The following PROM2 variants were observed in gnomAD, a reference collection of about 807,000 sequenced individuals.
The protein encoded by PROM2 is prominin-2.
In PROM2, 90 loss-of-function variants were observed where a neutral mutation model predicts 110.2. The ratio of observed to expected loss-of-function variants is 0.82; its 90% CI spans 0.69 to 0.97. The LOEUF (loss-of-function observed/expected upper bound fraction) is 0.97, where lower values mean the gene tolerates loss of function less well. Among genes scored for constraint, PROM2 ranks in the 50% least tolerant of loss-of-function variants. The pLI is 0.00. For missense variants in PROM2, 1,009 were observed against 1,074.8 expected (o/e 0.94, Z 0.86); for synonymous variants, 470 against 467.8 (o/e 1.00, Z -0.06).
At position 95,275,928 on chromosome 2, in the gene PROM2, A is replaced by T. The variant is rs200706167; in HGVS notation, c.295-2A>T. 5.0e-5 allele frequency: 80 copies of T among 1,608,312 alleles called. 1 individual carries two copies. The African/African-American group carries it at 8.4e-4, about 17-fold the overall frequency. On this transcript the variant is annotated splice_acceptor_variant, in intron 2 of 23. Coordinates refer to ENST00000317620, the MANE Select transcript of PROM2 (RefSeq NM_001165978.3). LOFTEE classifies it high-confidence loss of function. The surrounding 1 kb of genome is among the most constrained non-coding windows in gnomAD (Gnocchi z 4.4). The stretch of plus-strand genomic sequence containing the variant: ...ACCCCTCATGCCCTGCTGCCTGCCC[A>T]GGTGGTGCGGTACGAGGCGGGCTAC...
rs1417700349 is a variant in PROM2 at position 95,278,975 on chromosome 2, C to A, written c.1115-10C>A. On this transcript the variant is annotated splice_polypyrimidine_tract_variant and intron_variant, in intron 9 of 23. Coordinates refer to ENST00000317620, the MANE Select transcript of PROM2 (RefSeq NM_001165978.3). ...CTCCGCATCCCACAAGTCCCTGTTA[C>A]TTTGGGCAGAGCTGAAGAAGGCAGT... The A allele has an allele frequency of 6.3e-7, 1 of 1,599,580 alleles. No homozygotes were observed. Among genetic ancestry groups the A allele is most frequent in the East Asian group, 2.2e-5 (1 of 44,668 alleles).
Position 95,275,196 on chromosome 2 carries a change from T to C in PROM2, c.245-265T>C, listed in dbSNP as rs1207818333. ...GGGAAGAACTGCCAGGCCAGACCCC[T>C]TCTCTGCCTTTGCCCAGGCTCAGGA... On this transcript the variant is annotated intron_variant, in intron 1 of 23. Coordinates refer to ENST00000317620, the MANE Select transcript of PROM2 (RefSeq NM_001165978.3). This position sits in a 1 kb window ranked among gnomAD's most constrained non-coding sequence, Gnocchi z 4.4. 2.0e-5 allele frequency among the ~76,000 whole-genome samples: 3 copies of C among 152,214 alleles called. No homozygotes were observed. The highest frequency in any genetic ancestry group is 7.2e-5 in the African/African-American group (3 of 41,464).
Position 95,288,993 on chromosome 2 carries a change from G to A in PROM2, c.2502G>A (p.Leu834=). The change falls in exon 23 of 24, where the codon CTG becomes CTA. Residue 834 remains leucine (L), a synonymous_variant. Coordinates refer to ENST00000317620, the MANE Select transcript of PROM2 (RefSeq NM_001165978.3). Reference sequence around the variant, plus strand: ...TCCCCCGGGTTACCTCCCTGAAGCTGTAGGGCCTTGTGGGTGAGTTTTCCC... The same window carrying A: ...TCCCCCGGGTTACCTCCCTGAAGCTATAGGGCCTTGTGGGTGAGTTTTCCC... ...FHIPRVTSLK[L] 6.2e-7 allele frequency: 1 copy of A among 1,608,166 alleles called. No individual in the cohort carries two copies. The highest frequency in any genetic ancestry group is 8.5e-7 in the Non-Finnish European group (1 of 1,176,374).
intron 14 of PROM2, among the ~76,000 whole-genome samples, chr2:95,283,688 T>TA (rs1203143578): frequency 1.3e-5 from 2 of 152,232 alleles, no homozygotes; most frequent in East Asian, 3.8e-4. Flanking sequence ...TCTTATCTGT[T>TA]AAACACTGGG....
Position 95,276,441 on chromosome 2 carries a change from C to A in PROM2, c.618+94C>A. On this transcript the variant is annotated intron_variant, in intron 4 of 23. Transcript: ENST00000317620. The surrounding 1 kb of genome is among the most constrained non-coding windows in gnomAD (Gnocchi z 4.6). Reference sequence around the variant, plus strand: ...TGGGCCCTCGATGGCCCATAACCAGCGCATCTGAAAGCCGCCTCCTCTCCC... The same window carrying A: ...TGGGCCCTCGATGGCCCATAACCAGAGCATCTGAAAGCCGCCTCCTCTCCC... 1 of 1,591,738 alleles carries A rather than the reference C, an allele frequency of 6.3e-7. No individual in the cohort carries two copies.
At chr2:95,286,397 C>G (rs1677354969) in intron 16 of PROM2, 82 bp from the exon 17 acceptor site, 1 of 1,248,046 alleles carries the variant, frequency 8.0e-7, no homozygotes, top group African/African-American at 1.5e-5. Context: ...CTCCCACTTT[C>G]TCTTGGTATG....
Position 95,277,377 on chromosome 2 carries a change from C to G in PROM2, c.786C>G (p.Ser262=), listed in dbSNP as rs368594010. The part of the protein sequence containing the change: ...VGSLGQVLQV[S]VHHLQTLNAT... ...TGGGTCTCTCAGTCCTGCAGGTCTC[C>G]GTGCACCACCTGCAAACCTTGAATG... The change falls in exon 7 of 24, where the codon TCC becomes TCG. Residue 262 remains serine, a synonymous_variant. Transcript: ENST00000317620. 6.2e-7 allele frequency: 1 copy of G among 1,611,662 alleles called. No homozygotes were observed. The highest frequency in any genetic ancestry group is 1.3e-5 in the African/African-American group (1 of 74,890).
In PROM2 at chr2:95,280,456, A is replaced by G. The variant is rs764154504; in HGVS notation, c.1427+459A>G. Among the ~76,000 whole-genome samples, 76 of 152,348 alleles carry G rather than the reference A, an allele frequency of 5.0e-4. 1 individual carries two copies. The highest frequency in any genetic ancestry group is 3.3e-4 in the Admixed American group (5 of 15,302). ...CCTGACATGGGGCTGTGCCTGCCTC[A>G]TAAGCCCTTCGAGCCCCCTGGTCTA... On this transcript the variant is annotated intron_variant, in intron 11 of 23. Coordinates refer to ENST00000317620, the MANE Select transcript of PROM2 (RefSeq NM_001165978.3).
chr2:95,280,065 G>T lies in PROM2; in HGVS notation c.1427+68G>T. ...GCTGGCTGATTACTCTCGCTCCTGA[G>T]CATAGCTCCCGGTGTGGCTGCCAGT... On this transcript the variant is annotated intron_variant, in intron 11 of 23. Transcript: ENST00000317620. The T allele has an allele frequency of 2.2e-6, 3 of 1,333,816 alleles. No individual in the cohort carries two copies. In the South Asian group the frequency reaches 6.2e-5, roughly 27 times the overall value. The allele number at this position is 1,333,816 out of a possible 1,614,324, so 82.6% of individuals were successfully genotyped here. A position where few individuals can be genotyped will look rare whatever the true frequency, so the allele number is the denominator to read the frequency against.
At chr2:95,278,145 A>G in intron 8 of PROM2, 141 bp downstream of exon 8, 1 of 676,376 alleles carries the variant, frequency 1.5e-6, no homozygotes, top group South Asian at 1.7e-5. Flanking sequence ...GGGACTCCCG[A>G]CGACCATCCT....
In PROM2 at chr2:95,282,011, C is replaced by T; in HGVS notation, c.1638C>T (p.Ala546=). The T allele has an allele frequency of 6.2e-7, 1 of 1,614,074 alleles. No individual in the cohort carries two copies. Among genetic ancestry groups the T allele is most frequent in the Non-Finnish European group, 8.5e-7 (1 of 1,179,912 alleles). The change falls in exon 13 of 24, where the codon GCC becomes GCT. Residue 546 remains alanine (A), a synonymous_variant. Transcript: ENST00000317620. The stretch of plus-strand genomic sequence containing the variant: ...GGAAGAACATCAGCATCCACCAAGC[C>T]TATCAGTGAGTGGACAGCCTGGGCA... ...GLRKNISIHQ[A]YQQCKEGAAL...
chr2:95,281,465 A>G, intron 12 of PROM2, 100 bp downstream of exon 12: 2 of 1,120,784 alleles, frequency 1.8e-6, no homozygotes, highest in Non-Finnish European at 2.4e-6. Context: ...GGGGGGTAAA[A>G]GGGAGAGAGG....
Position 95,279,152 on chromosome 2 carries a change from G to A in PROM2, c.1274+8G>A. On this transcript the variant is annotated splice_region_variant and intron_variant, in intron 10 of 23. Coordinates refer to ENST00000317620, the MANE Select transcript of PROM2 (RefSeq NM_001165978.3). ...GAGATACGAGACCTACAGGTGCTGG[G>A]CACCGCAGGGTGGGATGGGGTGGGG... is the stretch of plus-strand genomic sequence containing the variant. The A allele has an allele frequency of 1.6e-5, 5 of 311,140 alleles. No homozygotes were observed. The highest frequency in any genetic ancestry group is 2.6e-5 in the Non-Finnish European group (5 of 189,590). The allele number at this position is 311,140 out of a possible 1,614,324, so 19.3% of individuals were successfully genotyped here.
chr2:95,282,257 C>G (rs1421343405), intron 14 of PROM2, 31 bp downstream of exon 14: 4 of 1,522,236 alleles, frequency 2.6e-6, no homozygotes, highest in East Asian at 2.3e-5. Context: ...CTGTGAGGAG[C>G]CCTCCTCAGA....
At chr2:95,287,647 C>T (rs540503972) in intron 20 of PROM2, among the ~76,000 whole-genome samples, 183 bp downstream of exon 20, 1 of 152,346 alleles carries the variant, frequency 6.6e-6, no homozygotes, top group Admixed American at 6.5e-5. Flanking sequence ...TCCACCCCAC[C>T]TCTGCTGCAG....
Position 95,279,035 on chromosome 2 carries a change from G to A in PROM2, c.1165G>A (p.Glu389Lys). 1 of 1,612,952 alleles carries A rather than the reference G, an allele frequency of 6.2e-7. No homozygotes were observed. Among genetic ancestry groups the A allele is most frequent in the South Asian group, 1.1e-5 (1 of 90,892 alleles). Residue 389 changes from glutamate (E) to lysine (K), a missense_variant, in exon 10 of 24, where the codon GAA (glutamate) becomes AAA (lysine). Physicochemically the swap from Glu to Lys is moderately conservative, Grantham distance 56. Coordinates refer to ENST00000317620, the MANE Select transcript of PROM2 (RefSeq NM_001165978.3). ...QQPEGVRTLAEGFPGLEAASR... is the reference protein window; with the variant it reads ...QQPEGVRTLAKGFPGLEAASR... ...GCCGGAAGGGGTGAGGACACTGGCTGAAGGGTTCCCGGGCTTGGAGGCAGC... is the reference window on the plus strand; with the variant it reads ...GCCGGAAGGGGTGAGGACACTGGCTAAAGGGTTCCCGGGCTTGGAGGCAGC...
In PROM2 at chr2:95,276,005, G is replaced by T. The variant is rs763183931; in HGVS notation, c.370G>T (p.Gly124Trp). The change falls in exon 3 of 24, where the codon GGG (glycine) becomes TGG (tryptophan). Residue 124 changes from glycine to tryptophan, a missense_variant. Physicochemically the swap from Gly to Trp is radical, Grantham distance 184. Transcript: ENST00000317620. This position sits in a 1 kb window ranked among gnomAD's most constrained non-coding sequence, Gnocchi z 4.6. ...CTACCTGCTGCTGGTGCCCACTGCC[G>T]GGCTTTGCTTCTGCTGCTGCCGCTG... ...GLYLLLVPTA[G>W]LCFCCCRCHR... is the part of the protein sequence containing the mutation. The T allele has an allele frequency of 1.2e-6, 2 of 1,611,812 alleles. No homozygotes were observed. The highest frequency in any genetic ancestry group is 1.7e-5 in the Admixed American group (1 of 59,978).
rs753092278 is a variant in PROM2 at position 95,287,146 on chromosome 2, A to C, written c.2108A>C (p.Asp703Ala). 6.2e-7 allele frequency: 1 copy of C among 1,613,814 alleles called. No individual in the cohort carries two copies. Among genetic ancestry groups the C allele is most frequent in the Non-Finnish European group, 8.5e-7 (1 of 1,179,982 alleles). Residue 703 changes from aspartate (D) to alanine (A), a missense_variant, in exon 19 of 24, where the codon GAT becomes GCT. Asp to Ala is a moderately radical substitution (Grantham distance 126). Transcript: ENST00000317620. ...SAPNLQLETSDVLANVTYLKG... is the reference protein window; with the variant it reads ...SAPNLQLETSAVLANVTYLKG... ...CGTCCCCTCCAGCTGGAGACCTCAG[A>C]TGTCCTAGCCAATGTCACCTACCTG...
Position 95,287,465 on chromosome 2 carries a change from GT to G in PROM2, c.2244+2del. 1 of 1,613,844 alleles carries G rather than the reference GT, an allele frequency of 6.2e-7. No individual in the cohort carries two copies. The highest frequency in any genetic ancestry group is 8.5e-7 in the Non-Finnish European group (1 of 1,179,888). ...GTACGTGGCCTGGGTGAGAGAGGAG[GT>G]GAGTGGGGCCTCAGAAGCAATGACT... is the stretch of plus-strand genomic sequence containing the variant. On this transcript the variant is annotated splice_donor_variant, in intron 20 of 23. Transcript: ENST00000317620. LOFTEE classifies it high-confidence loss of function.
Sources: allele counts gnomAD v4.1 joint callset (sites outside exome capture counted in the v4.1 genomes callset), GRCh38; gene constraint gnomAD v4.1.1; non-coding constraint Gnocchi (gnomAD v3.1); transcripts MANE v1.5; gene names NCBI Gene and HGNC (gene_info 2026-07-23, HGNC 2026-07-21).